Variants in H6PD observed in about 807,000 individuals in gnomAD.
H6PD encodes GDH/6PGL endoplasmic bifunctional protein.
Under a neutral mutation model 61.2 loss-of-function variants are expected in H6PD, and 48 were observed. The observed-to-expected ratio is 0.78, with a 90% CI of 0.62 to 1.00. The LOEUF (loss-of-function observed/expected upper bound fraction) is 1.00, where lower values mean the gene tolerates loss of function less well. Ranked by LOEUF, H6PD falls within the 50% of genes least tolerant of loss-of-function variation. H6PD has a pLI of 0.00. For synonymous variants in H6PD, 480 were observed against 457.9 expected, an observed-to-expected ratio of 1.05 and a Z score of -0.62; for missense variants, 1,093 against 1,065.0, an observed-to-expected ratio of 1.03 and a Z score of -0.37.
In H6PD at chr1:9,265,098, G is replaced by GA. The variant is rs1399855042; in HGVS notation, c.*230dup. On this transcript the variant is annotated 3_prime_UTR_variant, in exon 5 of 5. Coordinates refer to ENST00000377403, the MANE Select transcript of H6PD (RefSeq NM_004285.4). ...CAAGGAAGAAATGGAGTCTGCTCCT[G>GA]AGAAGCTTCAAATTCAGGCCAGGAG... The GA allele has an allele frequency of 1.6e-6, 1 of 607,184 alleles. No individual in the cohort carries two copies. The highest frequency in any genetic ancestry group is 2.9e-6 in the Non-Finnish European group (1 of 340,462). 37.6% of individuals were successfully genotyped at this position (607,184 alleles called of 1,614,324 possible).
In H6PD at chr1:9,264,264, G is replaced by T. The variant is rs772399015; in HGVS notation, c.1771G>T (p.Gly591Trp). ...RFGQFHLALSGGSSPVALFQQ... is the reference protein window; with the variant it reads ...RFGQFHLALSWGSSPVALFQQ... ...TGGCCAGTTCCACCTGGCACTGTCG[G>T]GGGGCTCGAGCCCCGTGGCCCTGTT... is the stretch of plus-strand genomic sequence containing the variant. The change falls in exon 5 of 5, where the codon GGG (glycine) becomes TGG (tryptophan). Residue 591 changes from glycine to tryptophan, a missense_variant. Gly to Trp is a radical substitution (Grantham distance 184, BLOSUM62 -2). Coordinates refer to ENST00000377403, the MANE Select transcript of H6PD (RefSeq NM_004285.4). 32 of 1,609,768 alleles carry T rather than the reference G, an allele frequency of 2.0e-5. No individual in the cohort carries two copies. Among genetic ancestry groups the T allele is most frequent in the Admixed American group, 1.0e-4 (6 of 59,772 alleles).
chr1:9,235,008 C>T lies in H6PD; in HGVS notation c.-69C>T, dbSNP rs1162662861. On this transcript the variant is annotated 5_prime_UTR_variant, in exon 1 of 5. Transcript: ENST00000377403. Reference sequence around the variant, plus strand: ...GGGAGCCCTCGGGAGCGGGCCCGGCCCTCAGCGCCGCCCCGGCCGTGTCCC... The same window carrying T: ...GGGAGCCCTCGGGAGCGGGCCCGGCTCTCAGCGCCGCCCCGGCCGTGTCCC... 1 of 148,110 alleles carries T rather than the reference C, an allele frequency of 6.8e-6. No individual in the cohort carries two copies. The highest frequency in any genetic ancestry group is 2.4e-5 in the African/African-American group (1 of 40,880). The allele number at this position is 148,110 out of a possible 1,614,324, so 9.2% of individuals were successfully genotyped here. A position where few individuals can be genotyped will look rare whatever the true frequency, so the allele number is the denominator to read the frequency against.
chr1:9,263,655 G>A lies in H6PD; in HGVS notation c.1162G>A (p.Ala388Thr), dbSNP rs201429712. The change falls in exon 5 of 5, where the codon GCG (alanine) becomes ACG (threonine). Residue 388 changes from alanine (A) to threonine (T), a missense_variant. Coordinates refer to ENST00000377403, the MANE Select transcript of H6PD (RefSeq NM_004285.4). ...TGTGCAGAGCGAAAAGCACTGGGCC[G>A]CGGCGCAGAGCCAGTGCCTGCCCCG... The part of the protein sequence containing the change: ...CCVQSEKHWA[A>T]AQSQCLPRQL... 107 of 1,614,148 alleles carry A rather than the reference G, an allele frequency of 6.6e-5. No homozygotes were observed. Among genetic ancestry groups the A allele is most frequent in the East Asian group, 5.8e-4 (26 of 44,886 alleles).
At position 9,245,840 on chromosome 1, in the gene H6PD, C is replaced by T. The variant is rs1014653479; in HGVS notation, c.627+279C>T. 2.0e-5 allele frequency among the ~76,000 whole-genome samples: 3 copies of T among 152,198 alleles called. No homozygotes were observed. The highest frequency in any genetic ancestry group is 7.2e-5 in the African/African-American group (3 of 41,448). On this transcript the variant is annotated intron_variant, in intron 2 of 4. Transcript: ENST00000377403. This position sits in a 1 kb window ranked among gnomAD's most constrained non-coding sequence, Gnocchi z 4.8. ...TCTGGGCTCTGGCTTCTCACGGTTG[C>T]CCTGCATCCCCTGTAGCGGTGGCTC...
intron 1 of H6PD, chr1:9,242,738 G>T: frequency 2.0e-6 from 2 of 985,498 alleles, no homozygotes; most frequent in Non-Finnish European, 2.4e-6. Context: ...CACGTCCAGA[G>T]CCCTGGCTAC....
Position 9,245,076 on chromosome 1 carries a change from C to T in H6PD, c.142C>T (p.Gln48Ter). The change falls in exon 2 of 5, where the codon CAG (glutamine) becomes TAG (stop). Residue 48 changes from glutamine (Q) to a stop codon, truncating the protein, a stop_gained. Transcript: ENST00000377403. LOFTEE classifies it high-confidence loss of function. The surrounding 1 kb of genome is among the most constrained non-coding windows in gnomAD (Gnocchi z 4.8). ...GAAGTACTTATGGCAGGGACTGTTC[C>T]AGCTGTACCTGGATGAAGCGGGGAG... ...AKKYLWQGLFQLYLDEAGRGH... is the reference protein window; with the variant it reads ...AKKYLWQGLF 1 of 1,614,202 alleles carries T rather than the reference C, an allele frequency of 6.2e-7. No homozygotes were observed. Among genetic ancestry groups the T allele is most frequent in the Non-Finnish European group, 8.5e-7 (1 of 1,180,036 alleles).
chr1:9,257,654 A>C (rs1369097629), intron 3 of H6PD, among the ~76,000 whole-genome samples: 1 of 152,226 alleles, frequency 6.6e-6, no homozygotes, highest in Non-Finnish European at 1.5e-5. Context: ...AAAGAGAAAC[A>C]GGCCTGAATT....
chr1:9,253,082 G>A (rs1194066254), intron 3 of H6PD, among the ~76,000 whole-genome samples: 2 of 152,090 alleles, frequency 1.3e-5, no homozygotes, highest in African/African-American at 4.8e-5. Context: ...CCAGCCCCTC[G>A]CCTCCTGTCC....
chr1:9,264,694 C>G lies in H6PD; in HGVS notation c.2201C>G (p.Pro734Arg), dbSNP rs1325245135. Reference protein sequence around the residue: ...QPHRRMSLSLPLINRAKKVAV... With the variant: ...QPHRRMSLSLRLINRAKKVAV... ...CACCGCCGCATGAGCCTTAGCCTGC[C>G]TCTCATCAACCGCGCCAAGAAGGTG... is the stretch of plus-strand genomic sequence containing the variant. The change falls in exon 5 of 5, where the codon CCT becomes CGT. Residue 734 changes from proline (P) to arginine (R), a missense_variant. Physicochemically the swap from Pro to Arg is moderately radical, Grantham distance 103. Transcript: ENST00000377403. 6.2e-7 allele frequency: 1 copy of G among 1,613,308 alleles called. No individual in the cohort carries two copies. The highest frequency in any genetic ancestry group is 8.5e-7 in the Non-Finnish European group (1 of 1,180,024).
intron 3 of H6PD, among the ~76,000 whole-genome samples, chr1:9,260,551 G>A (rs1288014286): frequency 5.9e-5 from 9 of 152,114 alleles, no homozygotes; most frequent in Non-Finnish European, 1.3e-4. Context: ...TTATGTTGCC[G>A]TTGTTACTCT....
At chr1:9,249,493 G>C (rs1321539336) in intron 3 of H6PD, among the ~76,000 whole-genome samples, 4 of 152,164 alleles carry the variant, frequency 2.6e-5, no homozygotes, top group Admixed American at 2.6e-4. Context: ...CTGGAGCCCT[G>C]TTGTCACAGC....
chr1:9,248,349 C>T (rs927411221), intron 3 of H6PD, among the ~76,000 whole-genome samples: 7 of 152,198 alleles, frequency 4.6e-5, no homozygotes, highest in South Asian at 2.1e-4. Context: ...TTCTCCCTTC[C>T]TCTCTGAATG....
intron 1 of H6PD, among the ~76,000 whole-genome samples, chr1:9,239,043 T>G (rs924698669): frequency 3.9e-5 from 6 of 152,038 alleles, no homozygotes; most frequent in Non-Finnish European, 8.8e-5. Flanking sequence ...CCTTTCTTTT[T>G]AATTTAATGG....
intron 3 of H6PD, among the ~76,000 whole-genome samples, chr1:9,257,784 G>A (rs1247988574): frequency 6.6e-6 from 1 of 152,222 alleles, no homozygotes; most frequent in African/African-American, 2.4e-5. Flanking sequence ...TCCCAGGTTA[G>A]GGGTCCTACG....
chr1:9,235,034 G>A lies in H6PD; in HGVS notation c.-43G>A, dbSNP rs1640810133. 1.4e-5 allele frequency: 2 copies of A among 148,116 alleles called. No individual in the cohort carries two copies. Among genetic ancestry groups the A allele is most frequent in the Admixed American group, 6.7e-5 (1 of 14,880 alleles). The allele number at this position is 148,116 out of a possible 1,614,324, so 9.2% of individuals were successfully genotyped here. On this transcript the variant is annotated 5_prime_UTR_variant, in exon 1 of 5. Coordinates refer to ENST00000377403, the MANE Select transcript of H6PD (RefSeq NM_004285.4). The stretch of plus-strand genomic sequence containing the variant: ...CTCAGCGCCGCCCCGGCCGTGTCCC[G>A]GAGGAGCGGCCTGCGCCGCCGCGCG...
At chr1:9,262,617 C>G (rs1260755366) in intron 4 of H6PD, among the ~76,000 whole-genome samples, 1 of 152,224 alleles carries the variant, frequency 6.6e-6, no homozygotes, top group Non-Finnish European at 1.5e-5. Context: ...GAGGCTCAGA[C>G]AGACCTGGTT....
At chr1:9,237,914 C>A (rs181808395) in intron 1 of H6PD, among the ~76,000 whole-genome samples, 11 of 152,208 alleles carry the variant, frequency 7.2e-5, no homozygotes, top group Admixed American at 7.2e-4. Context: ...GGAGGTACTG[C>A]GGAGAACAAA....
intron 3 of H6PD, among the ~76,000 whole-genome samples, chr1:9,260,682 G>T (rs1158175300): frequency 6.6e-6 from 1 of 151,924 alleles, no homozygotes; most frequent in East Asian, 1.9e-4. Context: ...TGTTACGCTG[G>T]TGTTGCTGCA....
At position 9,254,850 on chromosome 1, in the gene H6PD, G is replaced by A. The variant is rs144006267; in HGVS notation, c.746-7209G>A. ...GGCAAAGGAAGCCCTGTACCCCTTC[G>A]TTGTCATCCCACAATTTCCCCCTCT... is the stretch of plus-strand genomic sequence containing the variant. On this transcript the variant is annotated intron_variant, in intron 3 of 4. Coordinates refer to ENST00000377403, the MANE Select transcript of H6PD (RefSeq NM_004285.4). This position sits in a 1 kb window ranked among gnomAD's most constrained non-coding sequence, Gnocchi z 4.6. 2.7e-4 allele frequency among the ~76,000 whole-genome samples: 41 copies of A among 152,128 alleles called. No homozygotes were observed. The highest frequency in any genetic ancestry group is 9.4e-4 in the African/African-American group (39 of 41,502).
Sources: allele counts gnomAD v4.1 joint callset (sites outside exome capture counted in the v4.1 genomes callset), GRCh38; gene constraint gnomAD v4.1.1; non-coding constraint Gnocchi (gnomAD v3.1); transcripts MANE v1.5; gene names NCBI Gene and HGNC (gene_info 2026-07-23, HGNC 2026-07-21).